PNLDC1: variants seen among roughly 807,000 people sequenced by gnomAD.
PNLDC1 encodes PARN like ribonuclease domain containing exonuclease 1.
Under a neutral mutation model 82.0 loss-of-function variants are expected in PNLDC1, and 70 were observed. The ratio of observed to expected loss-of-function variants is 0.85; its 90% confidence interval spans 0.70 to 1.04. The LOEUF (loss-of-function observed/expected upper bound fraction) is 1.04. Ranked by LOEUF, PNLDC1 falls within the 50% of genes least tolerant of loss-of-function variation. PNLDC1 has a pLI of 0.00. For synonymous variants in PNLDC1, 280 were observed against 249.3 expected (o/e 1.12, Z -1.16); for missense variants, 631 against 661.1 (o/e 0.95, Z 0.50).
chr6:159,818,888 C>G lies in PNLDC1; in HGVS notation c.1258-58C>G, dbSNP rs1285617657. 32 of 1,563,518 alleles carry G rather than the reference C, an allele frequency of 2.0e-5. No individual in the cohort carries two copies. In the East Asian group the frequency reaches 5.4e-4, roughly 26 times the overall value. ...CCTAGTTTCTTTTGAGATCTTCAGA[C>G]TGGATAAGAAGTCAGGAAGAACTGT... is the stretch of plus-strand genomic sequence containing the variant. On this transcript the variant is annotated intron_variant, in intron 16 of 18. Coordinates refer to ENST00000392167, the MANE Select transcript of PNLDC1 (RefSeq NM_001271862.2).
Position 159,800,288 on chromosome 6 carries a change from C to T in PNLDC1, c.-20C>T, listed in dbSNP as rs1003971437. 1.8e-5 allele frequency: 28 copies of T among 1,540,958 alleles called. No homozygotes were observed. The Admixed American group carries it at 4.1e-4, about 23-fold the overall frequency. Reference sequence around the variant, plus strand: ...GGCAGCACGTGATAGCGCTGGGCGACTCCGCGGAGCTGCACGGCCATGGAC... The same window carrying T: ...GGCAGCACGTGATAGCGCTGGGCGATTCCGCGGAGCTGCACGGCCATGGAC... On this transcript the variant is annotated 5_prime_UTR_variant, in exon 1 of 19. Transcript: ENST00000392167.
chr6:159,817,089 CT>C lies in PNLDC1; in HGVS notation c.1115-19del. On this transcript the variant is annotated intron_variant, in intron 14 of 18. Coordinates refer to ENST00000392167, the MANE Select transcript of PNLDC1 (RefSeq NM_001271862.2). Reference sequence around the variant, plus strand: ...CATTTTGATAAGCTCTATTGCATTTCTGTCTTTTTTCCTTCCTAGTTCTTTT... The same window carrying C: ...CATTTTGATAAGCTCTATTGCATTTCGTCTTTTTTCCTTCCTAGTTCTTTT... 1 of 1,605,974 alleles carries C rather than the reference CT, an allele frequency of 6.2e-7. No homozygotes were observed. Among genetic ancestry groups the C allele is most frequent in the Non-Finnish European group, 8.5e-7 (1 of 1,173,048 alleles).
rs372406104 is a variant in PNLDC1, at chr6:159,819,207, G to A, written c.1434-47G>A. 62 of 1,610,402 alleles carry A rather than the reference G, an allele frequency of 3.8e-5. No homozygotes were observed. The African/African-American group carries it at 7.5e-4, about 19-fold the overall frequency. On this transcript the variant is annotated intron_variant, in intron 17 of 18. Transcript: ENST00000392167. This position sits in a 1 kb window ranked among gnomAD's most constrained non-coding sequence, Gnocchi z 4.6. ...CTCCACCCGCCTGATCACAGCAGGC[G>A]GCGCCATCCTGCTGCCTGGCTGACC...
At chr6:159,816,117 C>CCCACACCCCTCCCCCCCCACCCG (rs1781807441) in intron 13 of PNLDC1, 84 bp downstream of exon 13, 99 of 1,028,500 alleles carry the variant, frequency 9.6e-5, no homozygotes, top group South Asian at 4.2e-4. Context: ...CCCTGGTTCC[C>CCCACACCCCTCCCCCCCCACCCG]CCACACCCCT....
At chr6:159,814,476 G>A (rs1348168387) in intron 12 of PNLDC1, among the ~76,000 whole-genome samples, 3 of 152,096 alleles carry the variant, frequency 2.0e-5, no homozygotes, top group Non-Finnish European at 2.9e-5. Context: ...CAGCATCTAG[G>A]ACACTGCGTT....
chr6:159,804,143 G>A, intron 5 of PNLDC1, 55 bp downstream of exon 5: 1 of 1,588,044 alleles, frequency 6.3e-7, no homozygotes, highest in South Asian at 1.1e-5. Flanking sequence ...CTGAGATGGA[G>A]TCTCGCTCTG....
In PNLDC1 at chr6:159,800,331, C is replaced by T. The variant is rs1286912707; in HGVS notation, c.24C>T (p.Phe8=). Reference sequence around the variant, plus strand: ...CCATGGACGTGGGCGCCGACGAGTTCGAGGAGAGCCTCCCTCTGCTGCAGG... The same window carrying T: ...CCATGGACGTGGGCGCCGACGAGTTTGAGGAGAGCCTCCCTCTGCTGCAGG... The part of the protein sequence containing the change: MDVGADE[F]EESLPLLQEL... The change falls in exon 1 of 19, where the codon TTC becomes TTT. Residue 8 remains phenylalanine, a synonymous_variant. Transcript: ENST00000392167. The T allele has an allele frequency of 2.6e-6, 4 of 1,547,158 alleles. No individual in the cohort carries two copies. The Admixed American group carries it at 7.9e-5, about 30-fold the overall frequency.
chr6:159,811,853 T>C, intron 11 of PNLDC1, 67 bp downstream of exon 11: 1 of 1,207,744 alleles, frequency 8.3e-7, no homozygotes, highest in Non-Finnish European at 1.2e-6. Flanking sequence ...AGCTTTCTCT[T>C]GTGGGGTTTT....
At chr6:159,815,566 G>T (rs1234672570) in intron 12 of PNLDC1, among the ~76,000 whole-genome samples, 1 of 152,214 alleles carries the variant, frequency 6.6e-6, no homozygotes, top group East Asian at 1.9e-4. Flanking sequence ...CTCTCCATGA[G>T]TGCTGTCTGC....
Position 159,820,648 on chromosome 6 carries a change from C to G in PNLDC1, c.*131C>G. ...GTCTTTTCTAGAAATTCTGTTATGT[C>G]CTGAACGTGAAATTCTGTCAACACT... On this transcript the variant is annotated 3_prime_UTR_variant, in exon 19 of 19. Transcript: ENST00000392167. 1.2e-6 allele frequency: 1 copy of G among 830,656 alleles called. No individual in the cohort carries two copies. Among genetic ancestry groups the G allele is most frequent in the Admixed American group, 2.0e-5 (1 of 49,324 alleles). 51.5% of individuals were successfully genotyped at this position (830,656 alleles called of 1,614,324 possible). A position where few individuals can be genotyped will look rare whatever the true frequency, so the allele number is the denominator to read the frequency against.
intron 13 of PNLDC1, among the ~76,000 whole-genome samples, 189 bp from the exon 14 acceptor site, chr6:159,816,354 G>A (rs1415802953): frequency 5.3e-5 from 8 of 151,096 alleles, no homozygotes; most frequent in Non-Finnish European, 1.2e-4. Flanking sequence ...AGTCTATAAG[G>A]CAGCTCTGAT....
intron 7 of PNLDC1, 28 bp downstream of exon 7, chr6:159,806,111 A>T (rs370371214): frequency 3.9e-6 from 6 of 1,533,674 alleles, no homozygotes; most frequent in East Asian, 2.2e-5. Flanking sequence ...CTCCCAACGC[A>T]GGAGCATTGG....
At position 159,810,020 on chromosome 6, in the gene PNLDC1, A is replaced by G. The variant is rs1321466054; in HGVS notation, c.784-6A>G. 2 of 1,612,474 alleles carry G rather than the reference A, an allele frequency of 1.2e-6. No homozygotes were observed. The highest frequency in any genetic ancestry group is 1.7e-6 in the Non-Finnish European group (2 of 1,178,646). ...TTTCTCTCACCTGTTGATTTACTCC[A>G]AGTAGCCCTTAGTGGGACATAATAT... On this transcript the variant is annotated splice_region_variant and splice_polypyrimidine_tract_variant and intron_variant, in intron 9 of 18. Transcript: ENST00000392167.
intron 12 of PNLDC1, among the ~76,000 whole-genome samples, chr6:159,814,235 A>C (rs144309692): frequency 0.01 from 1,599 of 152,328 alleles, 13 homozygotes; most frequent in Non-Finnish European, 0.013. Flanking sequence ...CCCAGTCAGC[A>C]GGACGAGGCA....
At chr6:159,806,430 C>T (rs944091654) in intron 7 of PNLDC1, among the ~76,000 whole-genome samples, 1 of 152,214 alleles carries the variant, frequency 6.6e-6, no homozygotes, top group African/African-American at 2.4e-5. Flanking sequence ...ACAGTGAACA[C>T]GCCATAGCTT....
chr6:159,820,649 C>A lies in PNLDC1; in HGVS notation c.*132C>A. On this transcript the variant is annotated 3_prime_UTR_variant, in exon 19 of 19. Transcript: ENST00000392167. ...TCTTTTCTAGAAATTCTGTTATGTC[C>A]TGAACGTGAAATTCTGTCAACACTC... 1 of 828,190 alleles carries A rather than the reference C, an allele frequency of 1.2e-6. No homozygotes were observed. Among genetic ancestry groups the A allele is most frequent in the Non-Finnish European group, 2.0e-6 (1 of 501,658 alleles). 51.3% of individuals were successfully genotyped at this position (828,190 alleles called of 1,614,324 possible). A position where few individuals can be genotyped will look rare whatever the true frequency, so the allele number is the denominator to read the frequency against.
Position 159,801,111 on chromosome 6 carries a change from A to G in PNLDC1, c.135-2A>G. 6.2e-7 allele frequency: 1 copy of G among 1,614,186 alleles called. No individual in the cohort carries two copies. Among genetic ancestry groups the G allele is most frequent in the Admixed American group, 1.7e-5 (1 of 60,030 alleles). Reference sequence around the variant, plus strand: ...TGGAATGAGATGCCTGTTTGTTCACAGTCTTTTTGATTTGCCATCGGAGTG... The same window carrying G: ...TGGAATGAGATGCCTGTTTGTTCACGGTCTTTTTGATTTGCCATCGGAGTG... On this transcript the variant is annotated splice_acceptor_variant, in intron 2 of 18. Transcript: ENST00000392167. LOFTEE classifies it high-confidence loss of function.
At chr6:159,800,266 AGCACGTG>A, upstream of PNLDC1, 1 of 1,352,244 alleles carries the variant, frequency 7.4e-7, no homozygotes, top group Non-Finnish European at 1.0e-6. Flanking sequence ...GCACGTGGGC[AGCACGTG>A]ATAGCGCTGG....
chr6:159,819,282 G>T lies in PNLDC1; in HGVS notation c.1462G>T (p.Asp488Tyr). 1 of 1,613,906 alleles carries T rather than the reference G, an allele frequency of 6.2e-7. No homozygotes were observed. Among genetic ancestry groups the T allele is most frequent in the South Asian group, 1.1e-5 (1 of 91,068 alleles). ...DARNILKEYRDHPTLCISLYR... is the reference protein window; with the variant it reads ...DARNILKEYRYHPTLCISLYR... Reference sequence around the variant, plus strand: ...GCGGAACATCCTGAAGGAGTACCGGGACCACCCGACCCTGTGCATCTCCCT... The same window carrying T: ...GCGGAACATCCTGAAGGAGTACCGGTACCACCCGACCCTGTGCATCTCCCT... The change falls in exon 18 of 19, where the codon GAC (aspartate) becomes TAC (tyrosine). Residue 488 changes from aspartate (D) to tyrosine (Y), a missense_variant. Physicochemically the swap from Asp to Tyr is radical, Grantham distance 160. Coordinates refer to ENST00000392167, the MANE Select transcript of PNLDC1 (RefSeq NM_001271862.2). The surrounding 1 kb of genome is among the most constrained non-coding windows in gnomAD (Gnocchi z 4.6).
Sources: allele counts gnomAD v4.1 joint callset (sites outside exome capture counted in the v4.1 genomes callset), GRCh38; gene constraint gnomAD v4.1.1; non-coding constraint Gnocchi (gnomAD v3.1); transcripts MANE v1.5; gene names NCBI Gene and HGNC (gene_info 2026-07-23, HGNC 2026-07-21).